Variants in ACTA2 observed in about 807,000 individuals in gnomAD.
The protein encoded by ACTA2 is actin, aortic smooth muscle.
A neutral mutation model predicts 39.5 loss-of-function variants in ACTA2; 12 were observed. The ratio of observed to expected loss-of-function variants is 0.30; its 90% confidence interval spans 0.19 to 0.49. The LOEUF is 0.49. Among genes scored for constraint, ACTA2 ranks in the 20% least tolerant of loss-of-function variants. The pLI is 0.99. For missense variants in ACTA2, 236 were observed against 498.8 expected, an observed-to-expected ratio of 0.47 and a Z score of 5.02; for synonymous variants, 158 against 180.6, an observed-to-expected ratio of 0.88 and a Z score of 1.00.
rs1169396026 is a variant in ACTA2 at position 88,960,360 on chromosome 10, A to G, written c.-23-11407T>C. Among the ~76,000 whole-genome samples, 3 of 152,218 alleles carry G rather than the reference A, an allele frequency of 2.0e-5. No homozygotes were observed. The East Asian group carries it at 5.8e-4, about 29-fold the overall frequency. On this transcript the variant is annotated intron_variant, in intron 1 of 4. Transcript: ENST00000415557. ...GACATGGTGAACTGGCGGATTTGCT[A>G]GACTTCTGTGAAGACTAGCTGATAG...
intron 6 of ACTA2, chr10:88,941,020 G>A: frequency 1.6e-6 from 1 of 606,920 alleles, no homozygotes; most frequent in Non-Finnish European, 3.0e-6. Flanking sequence ...ATAACACTGG[G>A]TGTCTATAAC....
chr10:88,935,484 A>G, intron 8 of ACTA2, 118 bp from the exon 9 acceptor site: 2 of 1,200,192 alleles, frequency 1.7e-6, no homozygotes, highest in East Asian at 2.4e-5. Context: ...GCAGGGACAC[A>G]GGCTTGTCTG....
chr10:88,955,148 G>A (rs1483221793), upstream of ACTA2, among the ~76,000 whole-genome samples: 6 of 151,962 alleles, frequency 3.9e-5, no homozygotes, highest in African/African-American at 2.4e-5. Context: ...TTCCAGACAC[G>A]TTGTTCTGCA....
intron 1 of ACTA2, chr10:88,973,601 T>C (rs987823099): frequency 3.8e-5 from 9 of 239,894 alleles, no homozygotes; most frequent in African/African-American, 1.8e-4. Flanking sequence ...ACATAGACCA[T>C]TCATTCTTCA....
chr10:88,985,756 C>A (rs1846862665), intron 1 of ACTA2, among the ~76,000 whole-genome samples: 1 of 152,166 alleles, frequency 6.6e-6, no homozygotes, highest in South Asian at 2.1e-4. Flanking sequence ...CCCTTCCAGG[C>A]CCATGAGGAG....
chr10:88,970,574 T>C (rs1416355413), intron 1 of ACTA2, among the ~76,000 whole-genome samples: 1 of 152,116 alleles, frequency 6.6e-6, no homozygotes, highest in Non-Finnish European at 1.5e-5. Flanking sequence ...AAATTGCATT[T>C]AGATAGTCCA....
At chr10:88,989,515 A>G (rs766297630) in intron 1 of ACTA2, 4 of 544,126 alleles carry the variant, frequency 7.4e-6, no homozygotes, top group African/African-American at 1.9e-5. Context: ...GGTCTTCCTC[A>G]TGGCACTAAC....
chr10:88,936,430 G>A (rs1171172560), intron 8 of ACTA2, among the ~76,000 whole-genome samples: 4 of 152,132 alleles, frequency 2.6e-5, no homozygotes, highest in African/African-American at 9.7e-5. Context: ...TTGGAGGTGG[G>A]GCCTGGTAGG....
upstream of ACTA2, among the ~76,000 whole-genome samples, chr10:88,953,985 G>A (rs1259648451): frequency 6.6e-6 from 1 of 152,144 alleles, no homozygotes; most frequent in East Asian, 1.9e-4. Flanking sequence ...AATGGACTAA[G>A]ATACCAGGTG....
At chr10:88,964,051 AT>A (rs902674901) in intron 1 of ACTA2, among the ~76,000 whole-genome samples, 2 of 151,254 alleles carry the variant, frequency 1.3e-5, no homozygotes, top group Non-Finnish European at 3.0e-5. Flanking sequence ...ATGTTTTTAT[AT>A]TTTTTTATTT....
chr10:88,984,538 A>G lies in ACTA2; in HGVS notation c.-24+6401T>C, dbSNP rs762897368. Among the ~76,000 whole-genome samples, 7 of 152,262 alleles carry G rather than the reference A, an allele frequency of 4.6e-5. No individual in the cohort carries two copies. The South Asian group carries it at 6.2e-4, about 13-fold the overall frequency. ...TAAGTATTAAATGCATCTATTTGCTATATGAAAACATAAGATATCCCAGTG... is the reference window on the plus strand; with the variant it reads ...TAAGTATTAAATGCATCTATTTGCTGTATGAAAACATAAGATATCCCAGTG... On this transcript the variant is annotated intron_variant, in intron 1 of 4. Coordinates refer to the ACTA2 transcript ENST00000415557.
rs1325330120 is a variant in ACTA2, at chr10:88,941,747, G to A, written c.454+38C>T. 4 of 1,568,912 alleles carry A rather than the reference G, an allele frequency of 2.5e-6. No homozygotes were observed. The South Asian group carries it at 4.5e-5, about 18-fold the overall frequency. On this transcript the variant is annotated intron_variant, in intron 5 of 8. Transcript: ENST00000224784. ...ACCATTCAATCCCATCTCTGGCAGTGCGCTCCAACCAGCTTGCTGTCCCGC... is the reference window on the plus strand; with the variant it reads ...ACCATTCAATCCCATCTCTGGCAGTACGCTCCAACCAGCTTGCTGTCCCGC...
rs1846299260 is a variant in ACTA2 at position 88,965,225 on chromosome 10, G to A, written c.-23-16272C>T. Among the ~76,000 whole-genome samples the A allele has an allele frequency of 2.0e-5, 3 of 152,060 alleles. 1 individual carries two copies. In the South Asian group the frequency reaches 6.2e-4, roughly 32 times the overall value. On this transcript the variant is annotated intron_variant, in intron 1 of 4. Transcript: ENST00000415557. ...ACATTTGCAGTATATTCACCATTAG[G>A]TTGTAAACTTTTGGAGGCAGCCAGT...
chr10:88,958,960 G>T (rs892295424), intron 1 of ACTA2, among the ~76,000 whole-genome samples: 4 of 152,154 alleles, frequency 2.6e-5, no homozygotes, highest in African/African-American at 9.7e-5. Flanking sequence ...AGCCTGTCCT[G>T]TATATTACTC....
intron 1 of ACTA2, among the ~76,000 whole-genome samples, chr10:88,961,071 A>C (rs1295036712): frequency 6.6e-6 from 1 of 152,188 alleles, no homozygotes; most frequent in Non-Finnish European, 1.5e-5. Context: ...GAGAATGCTT[A>C]GTCAGAAGTG....
intron 6 of ACTA2, chr10:88,940,951 C>T: frequency 2.5e-6 from 1 of 400,608 alleles, no homozygotes; most frequent in Non-Finnish European, 4.8e-6. Context: ...GCACAATCTT[C>T]TTCTATTTGC....
chr10:88,989,689 A>G, intron 1 of ACTA2: 1 of 426,792 alleles, frequency 2.3e-6, no homozygotes, highest in Admixed American at 2.8e-5. Context: ...GTCAACTGAG[A>G]GGAAGCCTGA....
chr10:88,974,477 T>C (rs1199861503), intron 1 of ACTA2: 1 of 152,208 alleles, frequency 6.6e-6, no homozygotes, highest in Non-Finnish European at 1.5e-5. Flanking sequence ...GGTGGTCTTT[T>C]AAAAAATGAA....
chr10:88,988,443 T>TTTTTTTTTTTTTTTTTTTTTTTTTTA (rs1554846019), intron 1 of ACTA2, among the ~76,000 whole-genome samples: 1 of 142,368 alleles, frequency 7.0e-6, no homozygotes, highest in African/African-American at 2.6e-5. Context: ...TTTTGTTTTT[T>TTTTTTTTTTTTTTTTTTTTTTTTTTA]ATCTTAACTC....
Sources: gnomAD v4.1 joint callset for allele counts (sites outside exome capture counted in the v4.1 genomes callset) on GRCh38, gnomAD v4.1.1 for gene constraint, MANE v1.5 for transcripts, NCBI Gene and HGNC (gene_info 2026-07-23, HGNC 2026-07-21) for gene names.